The following ADAM22 variants were observed in gnomAD, a reference collection of about 807,000 sequenced individuals.
ADAM22 encodes the protein disintegrin and metalloproteinase domain-containing protein 22.
Under a neutral mutation model 144.6 loss-of-function variants are expected in ADAM22, and 65 were observed. The observed-to-expected ratio is 0.45, with a 90% confidence interval of 0.37 to 0.55. ADAM22 has a LOEUF of 0.55. ADAM22 is among the 20% of genes least tolerant of loss of function. The pLI is 0.00. For missense variants in ADAM22, 974 were observed against 1,184.9 expected, an observed-to-expected ratio of 0.82 and a Z score of 2.61; for synonymous variants, 391 against 412.6, an observed-to-expected ratio of 0.95 and a Z score of 0.63.
intron 3 of ADAM22, among the ~76,000 whole-genome samples, chr7:87,978,654 C>T (rs1419790377): frequency 1.3e-5 from 2 of 152,092 alleles, no homozygotes; most frequent in Non-Finnish European, 2.9e-5. Context: ...AAGAGTTACC[C>T]CAATATTTTT....
intron 4 of ADAM22, among the ~76,000 whole-genome samples, chr7:88,097,492 C>T (rs1237596373): frequency 2.0e-5 from 3 of 151,554 alleles, no homozygotes; most frequent in Non-Finnish European, 4.4e-5. Flanking sequence ...TTTATCCTTC[C>T]TTCTTCAAAA....
At chr7:88,107,745 C>T (rs1428717961) in intron 4 of ADAM22, among the ~76,000 whole-genome samples, 1 of 151,762 alleles carries the variant, frequency 6.6e-6, no homozygotes, top group Admixed American at 6.6e-5. Context: ...GCCACCACAT[C>T]CAGCTAATTT....
chr7:88,100,549 TG>T (rs1404257339), intron 4 of ADAM22, among the ~76,000 whole-genome samples: 1 of 152,240 alleles, frequency 6.6e-6, no homozygotes, highest in Non-Finnish European at 1.5e-5. Flanking sequence ...AGTCTGATTC[TG>T]TACAGTCACA....
At chr7:88,095,304 C>T in intron 4 of ADAM22, among the ~76,000 whole-genome samples, 1 of 152,152 alleles carries the variant, frequency 6.6e-6, no homozygotes, top group Admixed American at 6.5e-5. Context: ...ATATTCTCAG[C>T]ATTTAGCATA....
chr7:88,034,950 G>C (rs2129470065), intron 3 of ADAM22, among the ~76,000 whole-genome samples: 1 of 152,286 alleles, frequency 6.6e-6, no homozygotes, highest in South Asian at 2.1e-4. Flanking sequence ...TTCAGTGCCT[G>C]TTTCAGTGAT....
chr7:88,013,032 G>A (rs199549001), intron 3 of ADAM22, among the ~76,000 whole-genome samples: 1 of 152,160 alleles, frequency 6.6e-6, no homozygotes, highest in African/African-American at 2.4e-5. Context: ...TAAAGTTCCC[G>A]GAGGCAAAAC....
chr7:88,122,444 A>G (rs895909856), intron 7 of ADAM22, among the ~76,000 whole-genome samples: 1 of 152,184 alleles, frequency 6.6e-6, no homozygotes, highest in Non-Finnish European at 1.5e-5. Flanking sequence ...GGTGGAGACT[A>G]TTAGAGGTCA....
At chr7:88,188,192 T>G (rs1390882282) in intron 30 of ADAM22, among the ~76,000 whole-genome samples, 1 of 152,104 alleles carries the variant, frequency 6.6e-6, no homozygotes. Flanking sequence ...CCTATATGGG[T>G]TAGGGCTTTT....
At chr7:88,111,952 A>G (rs574099042) in intron 5 of ADAM22, among the ~76,000 whole-genome samples, 4 of 152,322 alleles carry the variant, frequency 2.6e-5, no homozygotes, top group African/African-American at 9.6e-5. Context: ...ACATTAACCT[A>G]GTATAAGGAT....
chr7:88,061,429 A>G (rs1404648287), intron 3 of ADAM22, among the ~76,000 whole-genome samples: 2 of 152,106 alleles, frequency 1.3e-5, no homozygotes, highest in Non-Finnish European at 2.9e-5. Context: ...TACAAAATGT[A>G]TTTTTTAAAT....
chr7:88,132,895 G>T lies in ADAM22; in HGVS notation c.1021G>T (p.Gly341Trp). The change falls in exon 12 of 32, where the codon GGG becomes TGG. Residue 341 changes from glycine (G) to tryptophan (W), a missense_variant. This residue lies in a region of ADAM22 where 734 missense variants were observed against 950.6 expected (regional missense o/e 0.77). Transcript: ENST00000413139. The stretch of plus-strand genomic sequence containing the variant: ...AAGTCAATTTGAGAGTAGCCGGAGC[G>T]GGGCAGCTTATATTGGTGGGATTTG... The part of the protein sequence containing the change: ...SGSQFESSRS[G>W]AAYIGGICSL... 6.2e-7 allele frequency: 1 copy of T among 1,613,898 alleles called. No individual in the cohort carries two copies. Among genetic ancestry groups the T allele is most frequent in the South Asian group, 1.1e-5 (1 of 91,082 alleles).
At chr7:88,157,936 C>A (rs1013118231) in intron 22 of ADAM22, among the ~76,000 whole-genome samples, 18 of 151,830 alleles carry the variant, frequency 1.2e-4, no homozygotes, top group Non-Finnish European at 2.5e-4. Context: ...CCTAAATACC[C>A]CATTTAAAAG....
At chr7:88,068,330 C>T (rs1811832168) in intron 3 of ADAM22, among the ~76,000 whole-genome samples, 1 of 152,092 alleles carries the variant, frequency 6.6e-6, no homozygotes, top group South Asian at 2.1e-4. Flanking sequence ...ATCCTTAAAG[C>T]TTCCATTTTT....
At chr7:88,178,379 G>T (rs983565049) in intron 26 of ADAM22, among the ~76,000 whole-genome samples, 5 of 151,484 alleles carry the variant, frequency 3.3e-5, no homozygotes, top group Non-Finnish European at 7.4e-5. Context: ...CCATTTCTTC[G>T]TATTTCTGTT....
chr7:88,107,198 CTTTTTTTTTTTTT>C (rs561936408), intron 4 of ADAM22, among the ~76,000 whole-genome samples: 3 of 76,566 alleles, frequency 3.9e-5, no homozygotes, highest in African/African-American at 1.1e-4. Flanking sequence ...GATTGAATTT[CTTTTTTTTTTTTT>C]TTTTTTTTTT....
rs191878556 is a variant in ADAM22, at chr7:88,146,959, C to T, written c.1485+1452C>T. Among the ~76,000 whole-genome samples, 23 of 152,320 alleles carry T rather than the reference C, an allele frequency of 1.5e-4. No homozygotes were observed. In the East Asian group the frequency reaches 4.2e-3, roughly 28 times the overall value. ...TGGCTACCACCCCTGTTTATTCTGT[C>T]AGCTTTTTCCACTGCCGTAACAAGA... On this transcript the variant is annotated intron_variant, in intron 17 of 31. Transcript: ENST00000413139.
chr7:88,149,774 A>G (rs993936233), intron 18 of ADAM22, among the ~76,000 whole-genome samples: 4 of 152,204 alleles, frequency 2.6e-5, no homozygotes, highest in Admixed American at 2.0e-4. Context: ...GGAAGGTGAA[A>G]GAATAGTATT....
chr7:88,151,163 T>C, intron 19 of ADAM22, 94 bp from the exon 20 acceptor site: 1 of 1,537,494 alleles, frequency 6.5e-7, no homozygotes, highest in Non-Finnish European at 9.0e-7. Context: ...TCTCTACTAT[T>C]CATCTATTAT....
At chr7:88,161,238 A>G (rs1036283052) in intron 22 of ADAM22, among the ~76,000 whole-genome samples, 2 of 151,682 alleles carry the variant, frequency 1.3e-5, no homozygotes, top group Admixed American at 1.3e-4. Flanking sequence ...CCTATTCAAT[A>G]AATGGTGCTG....
Sources: allele counts gnomAD v4.1 joint callset (sites outside exome capture counted in the v4.1 genomes callset), GRCh38; gene constraint gnomAD v4.1.1; regional missense constraint gnomAD v4.1.1; transcripts MANE v1.5; gene names NCBI Gene and HGNC (gene_info 2026-07-23, HGNC 2026-07-21).